The following FGF13 variants were observed in gnomAD, a reference collection of about 807,000 sequenced individuals.
FGF13 encodes fibroblast growth factor homologous factor 2.
FGF13 carries 2 observed loss-of-function variants against 19.5 expected under a neutral mutation model. The ratio of observed to expected loss-of-function variants is 0.10; its 90% CI spans 0.04 to 0.32. The LOEUF (loss-of-function observed/expected upper bound fraction) is 0.32, where lower values mean the gene tolerates loss of function less well. Among genes scored for constraint, FGF13 ranks in the 10% least tolerant of loss-of-function variants. FGF13 has a pLI of 1.00. For missense variants in FGF13, 113 were observed against 192.7 expected, an observed-to-expected ratio of 0.59 and a Z score of 2.45; for synonymous variants, 72 against 76.9, an observed-to-expected ratio of 0.94 and a Z score of 0.33.
upstream of FGF13, chrX:138,739,484 T>C (rs917899405): frequency 6.2e-6 from 2 of 323,913 alleles, no homozygotes; most frequent in African/African-American, 5.4e-5. Context: ...TGATTCATCA[T>C]GTAGCAGTAT....
At chrX:139,070,819 G>A (rs753487568) in intron 1 of FGF13, among the ~76,000 whole-genome samples, 17 of 111,950 alleles carry the variant, frequency 1.5e-4, no homozygotes, top group Non-Finnish European at 2.8e-4. Flanking sequence ...ATAAAAGGAT[G>A]AGTTCATGTC....
chrX:138,929,868 G>A (rs866376896), intron 1 of FGF13, among the ~76,000 whole-genome samples: 1 of 103,317 alleles, frequency 9.7e-6, no homozygotes, highest in African/African-American at 3.5e-5. Flanking sequence ...GTGTGTGTGT[G>A]TGTGTGTGTG....
intron 1 of FGF13, among the ~76,000 whole-genome samples, chrX:139,080,172 T>A: frequency 9.0e-6 from 1 of 111,500 alleles, no homozygotes; most frequent in Non-Finnish European, 1.9e-5. Context: ...CCCCATGCCC[T>A]GCCAAGAAAT....
intron 1 of FGF13, among the ~76,000 whole-genome samples, chrX:139,119,955 A>G (rs893212465): frequency 8.9e-6 from 1 of 112,290 alleles, no homozygotes. Flanking sequence ...CTCAAATTGT[A>G]ATTCCCAGAG....
At chrX:139,150,334 T>C (rs148554773) in intron 1 of FGF13, among the ~76,000 whole-genome samples, 273 of 112,274 alleles carry the variant, frequency 2.4e-3, no homozygotes, top group African/African-American at 8.4e-3. Flanking sequence ...TATTCAGCAG[T>C]ATTTGCTTTA....
At chrX:138,652,719 T>G (rs2089389176) in intron 3 of FGF13, among the ~76,000 whole-genome samples, 1 of 112,075 alleles carries the variant, frequency 8.9e-6, no homozygotes. Context: ...GAAATAAACC[T>G]TTATGAATAC....
chrX:138,806,591 G>A (rs1204864867), intron 3 of FGF13: 2 of 112,190 alleles, frequency 1.8e-5, no homozygotes, highest in Non-Finnish European at 3.8e-5. Context: ...AACTGGAACA[G>A]GAAGATAAGG....
At chrX:139,064,371 C>T (rs1250115091) in intron 1 of FGF13, among the ~76,000 whole-genome samples, 2 of 66,569 alleles carry the variant, frequency 3.0e-5, no homozygotes, top group Non-Finnish European at 5.1e-5. Flanking sequence ...GGCGCAATCT[C>T]GGCTCACTGC....
In FGF13 at chrX:138,615,792, A is replaced by C. The variant is rs975657756; in HGVS notation, c.*17058T>G. On this transcript the variant is annotated 3_prime_UTR_variant, in exon 5 of 5. Transcript: ENST00000315930. ...AGTTTTAACTGACTCACAGTTCCGC[A>C]TGGCTTCGGAGGCCTCAGGAGACTT... is the stretch of plus-strand genomic sequence containing the variant. The C allele has an allele frequency of 8.9e-6, 1 of 111,779 alleles. No individual in the cohort carries two copies. The highest frequency in any genetic ancestry group is 1.9e-5 in the Non-Finnish European group (1 of 53,222). 9.2% of individuals were successfully genotyped at this position (111,779 alleles called of 1,213,427 possible). A position where few individuals can be genotyped will look rare whatever the true frequency, so the allele number is the denominator to read the frequency against.
chrX:138,681,702 T>C (rs1401357112), intron 3 of FGF13, among the ~76,000 whole-genome samples: 1 of 112,032 alleles, frequency 8.9e-6, no homozygotes, highest in Non-Finnish European at 1.9e-5. Flanking sequence ...GTAAGAGAAG[T>C]GCAACTCTTA....
At chrX:138,814,222 G>C (rs1445432678) in intron 3 of FGF13, among the ~76,000 whole-genome samples, 1 of 109,678 alleles carries the variant, frequency 9.1e-6, no homozygotes, top group Non-Finnish European at 1.9e-5. Context: ...AATTAGACAA[G>C]TTGTCACTGA....
At chrX:139,131,734 C>T (rs1351880674) in intron 1 of FGF13, among the ~76,000 whole-genome samples, 1 of 111,056 alleles carries the variant, frequency 9.0e-6, no homozygotes, top group Non-Finnish European at 1.9e-5. Flanking sequence ...ATGACCCTGT[C>T]TCAAAAAATA....
At chrX:138,659,914 G>A (rs1280930792) in intron 3 of FGF13, among the ~76,000 whole-genome samples, 1 of 110,713 alleles carries the variant, frequency 9.0e-6, no homozygotes, top group African/African-American at 3.3e-5. Flanking sequence ...GTTGGCAGGT[G>A]GGGGGCAAGG....
intron 1 of FGF13, among the ~76,000 whole-genome samples, chrX:138,898,572 G>A (rs2091515695): frequency 9.0e-6 from 1 of 111,731 alleles, no homozygotes; most frequent in Admixed American, 9.5e-5. Context: ...AATGTGTCCA[G>A]ACTCCCTTTT....
intron 1 of FGF13, among the ~76,000 whole-genome samples, chrX:139,048,632 T>A (rs945461558): frequency 2.8e-5 from 3 of 108,693 alleles, no homozygotes; most frequent in African/African-American, 1.0e-4. Context: ...GTCATAATTG[T>A]ATTGTCCTAA....
chrX:138,996,496 T>TG (rs1186487838), intron 1 of FGF13, among the ~76,000 whole-genome samples: 1 of 112,158 alleles, frequency 8.9e-6, no homozygotes, highest in African/African-American at 3.2e-5. Flanking sequence ...TCAAGCTTGG[T>TG]GGGGGGAGGG....
intron 1 of FGF13, among the ~76,000 whole-genome samples, chrX:139,165,244 GAA>G (rs1312762376): frequency 2.7e-5 from 3 of 112,331 alleles, no homozygotes; most frequent in Non-Finnish European, 5.6e-5. Context: ...TCTGGCAGAA[GAA>G]ATATCTAAGA....
At chrX:139,202,475 T>A (rs1206943320) in intron 1 of FGF13, among the ~76,000 whole-genome samples, 1 of 111,899 alleles carries the variant, frequency 8.9e-6, no homozygotes, top group Non-Finnish European at 1.9e-5. Context: ...CTTTCCAAAG[T>A]TACTCTTTCA....
At chrX:138,680,499 A>C (rs1332226626) in intron 3 of FGF13, among the ~76,000 whole-genome samples, 1 of 111,730 alleles carries the variant, frequency 9.0e-6, no homozygotes, top group African/African-American at 3.3e-5. Flanking sequence ...AACAACTTTA[A>C]TCTCTTTGTA....
Sources: gnomAD v4.1 joint callset for allele counts (sites outside exome capture counted in the v4.1 genomes callset) on GRCh38, gnomAD v4.1.1 for gene constraint, MANE v1.5 for transcripts, NCBI Gene and HGNC (gene_info 2026-07-23, HGNC 2026-07-21) for gene names.